Variants in ZRANB1 observed in about 807,000 individuals in gnomAD.
ZRANB1 encodes zinc finger RANBP2-type containing 1, also known as ubiquitin thioesterase ZRANB1.
ZRANB1 carries 16 observed loss-of-function variants against 80.5 expected under a neutral mutation model. The ratio of observed to expected loss-of-function variants is 0.20; its 90% CI spans 0.13 to 0.30. The LOEUF is 0.30. ZRANB1 is among the 10% of genes least tolerant of loss of function. The probability of loss-of-function intolerance (pLI) is 1.00; values close to 1 mark genes in which losing one functional copy is unlikely to be tolerated. For missense variants in ZRANB1, 576 were observed against 862.6 expected, an observed-to-expected ratio of 0.67 and a Z score of 4.16; for synonymous variants, 291 against 293.1, an observed-to-expected ratio of 0.99 and a Z score of 0.07.
At chr10:124,971,680 G>GAAC (rs1174458494) in intron 2 of ZRANB1, among the ~76,000 whole-genome samples, 1 of 152,152 alleles carries the variant, frequency 6.6e-6, no homozygotes, top group Non-Finnish European at 1.5e-5. Flanking sequence ...ATGTGTCTAT[G>GAAC]AACAACACCC....
chr10:124,943,094 G>A lies in ZRANB1; in HGVS notation c.601G>A (p.Ala201Thr), dbSNP rs776702358. 6 of 1,614,206 alleles carry A rather than the reference G, an allele frequency of 3.7e-6. No homozygotes were observed. Among genetic ancestry groups the A allele is most frequent in the South Asian group, 2.2e-5 (2 of 91,082 alleles). The change falls in exon 1 of 9, where the codon GCT becomes ACT. Residue 201 changes from alanine (A) to threonine (T), a missense_variant. By Grantham distance (58) the Ala-to-Thr change is moderately conservative. Coordinates refer to ENST00000359653, the MANE Select transcript of ZRANB1 (RefSeq NM_017580.3). ...TTCAATAATAAATGAGCAAGACAGA[G>A]CTCGATGGAGGGGAAGTTGCAGTAG... ...ASSIINEQDRARWRGSCSSGN... is the reference protein window; with the variant it reads ...ASSIINEQDRTRWRGSCSSGN...
the ZRANB1 span, among the ~76,000 whole-genome samples, chr10:124,919,488 T>C: frequency 6.6e-6 from 1 of 150,820 alleles, no homozygotes; most frequent in African/African-American, 2.4e-5. Flanking sequence ...CGGAGGTTGC[T>C]GCGAGCCGAG....
intron 1 of ZRANB1, chr10:124,945,238 C>A (rs915337408): frequency 6.6e-6 from 1 of 152,106 alleles, no homozygotes; most frequent in South Asian, 2.1e-4. Flanking sequence ...GCAGTTACTG[C>A]CCCCTACCCC....
the ZRANB1 span, among the ~76,000 whole-genome samples, chr10:124,934,443 G>T: frequency 1.3e-5 from 2 of 152,134 alleles, no homozygotes; most frequent in South Asian, 2.1e-4. Flanking sequence ...CAAAAGTTTT[G>T]TACTTGTGTC....
At chr10:124,966,903 CT>C in intron 2 of ZRANB1, 122 bp downstream of exon 2, 1 of 911,898 alleles carries the variant, frequency 1.1e-6, no homozygotes, top group Non-Finnish European at 1.6e-6. Context: ...CTTTTACCCC[CT>C]TTTAAAAATA....
In ZRANB1 at chr10:124,983,180, A is replaced by C. The variant is rs1951956402; in HGVS notation, c.1554A>C (p.Gly518=). The C allele has an allele frequency of 1.2e-6, 2 of 1,612,788 alleles. No individual in the cohort carries two copies. The highest frequency in any genetic ancestry group is 3.3e-5 in the Admixed American group (2 of 59,732). ...TTTTGTTTTGTTTCGTACAGCCTGG[A>C]GCAAGCTTGGAGCAGACGCACATTT... ...AFILSLASQP[G]ASLEQTHIFV... Residue 518 remains glycine, a synonymous_variant, in exon 7 of 9, where the codon GGA becomes GGC. Transcript: ENST00000359653. The surrounding 1 kb of genome is among the most constrained non-coding windows in gnomAD (Gnocchi z 6.2).
chr10:124,947,716 G>A (rs1190385410), intron 1 of ZRANB1, among the ~76,000 whole-genome samples: 1 of 152,004 alleles, frequency 6.6e-6, no homozygotes, highest in Non-Finnish European at 1.5e-5. Flanking sequence ...TCCATTGCTT[G>A]TGCCAAAAGC....
intron 1 of ZRANB1, among the ~76,000 whole-genome samples, chr10:124,949,933 G>T (rs895171806): frequency 6.6e-6 from 1 of 152,100 alleles, no homozygotes; most frequent in African/African-American, 2.4e-5. Context: ...CACATGCAGT[G>T]GTGTTCCCTG....
chr10:124,984,980 T>C lies in ZRANB1; in HGVS notation c.2115T>C (p.Asp705=), dbSNP rs537740354. The change falls in exon 9 of 9, where the codon GAT becomes GAC. Residue 705 remains aspartate (D), a synonymous_variant. Transcript: ENST00000359653. ...CTGATGGAGAGGAAGATGAGGATGA[T>C]GAAGATGAATGAAAAAAAAAATCAA... is the stretch of plus-strand genomic sequence containing the variant. ...SLSDGEEDED[D]EDE The C allele has an allele frequency of 2.5e-6, 4 of 1,607,122 alleles. No individual in the cohort carries two copies. The highest frequency in any genetic ancestry group is 2.5e-6 in the Non-Finnish European group (3 of 1,176,656).
chr10:124,938,613 T>C (rs1951508419), upstream of ZRANB1, among the ~76,000 whole-genome samples: 1 of 152,134 alleles, frequency 6.6e-6, no homozygotes, highest in African/African-American at 2.4e-5. Context: ...CGTGAGCACC[T>C]AGCCACTCTT....
At chr10:124,922,686 G>C in the ZRANB1 span, among the ~76,000 whole-genome samples, 2 of 151,090 alleles carry the variant, frequency 1.3e-5, no homozygotes, top group African/African-American at 4.9e-5. Context: ...AGTAGAGATG[G>C]GGTGTCACCG....
intron 5 of ZRANB1, among the ~76,000 whole-genome samples, chr10:124,974,944 C>A (rs1449232006): frequency 6.6e-6 from 1 of 152,150 alleles, no homozygotes; most frequent in Non-Finnish European, 1.5e-5. Context: ...ACTACAGGTG[C>A]TCATCACCAT....
At position 124,967,140 on chromosome 10, in the gene ZRANB1, C is replaced by T. The variant is rs185866644; in HGVS notation, c.1002+359C>T. Among the ~76,000 whole-genome samples the T allele has an allele frequency of 3.3e-5, 5 of 152,296 alleles. No individual in the cohort carries two copies. The East Asian group carries it at 9.7e-4, about 29-fold the overall frequency. Reference sequence around the variant, plus strand: ...TACTGGCTCTTTCTTCATTAAATCTCCAGCAAAGTAGAGAAATGAACAGGT... The same window carrying T: ...TACTGGCTCTTTCTTCATTAAATCTTCAGCAAAGTAGAGAAATGAACAGGT... On this transcript the variant is annotated intron_variant, in intron 2 of 8. Coordinates refer to ENST00000359653, the MANE Select transcript of ZRANB1 (RefSeq NM_017580.3).
At position 124,984,854 on chromosome 10, in the gene ZRANB1, C is replaced by A. The variant is rs1424057154; in HGVS notation, c.1989C>A (p.Ala663=). ...CCVTEGGVLV[A]MQKSSRRRNH... ...TGACGGAGGGGGGAGTTCTGGTTGC[C>A]ATGCAGAAGAGTTCTCGGCGGCGAA... is the stretch of plus-strand genomic sequence containing the variant. Residue 663 remains alanine, a synonymous_variant, in exon 9 of 9, where the codon GCC becomes GCA. Transcript: ENST00000359653. The A allele has an allele frequency of 1.9e-6, 3 of 1,613,882 alleles. No homozygotes were observed. The highest frequency in any genetic ancestry group is 2.5e-6 in the Non-Finnish European group (3 of 1,179,978).
chr10:124,919,704 C>A, the ZRANB1 span, among the ~76,000 whole-genome samples: 3 of 150,106 alleles, frequency 2.0e-5, no homozygotes, highest in Non-Finnish European at 4.4e-5. Context: ...CTCCGCCTTC[C>A]GTGTTCACGC....
chr10:124,976,193 TG>T (rs1188265413), intron 5 of ZRANB1, among the ~76,000 whole-genome samples: 1 of 152,176 alleles, frequency 6.6e-6, no homozygotes, highest in Non-Finnish European at 1.5e-5. Flanking sequence ...TTAGTGGAGA[TG>T]GCTGTCTGGT....
rs1294919463 is a variant in ZRANB1 at position 124,986,886 on chromosome 10, G to A, written c.*1894G>A. The A allele has an allele frequency of 1.0e-4, 1 of 9,584 alleles. No individual in the cohort carries two copies. Among genetic ancestry groups the A allele is most frequent in the South Asian group, 1.7e-3 (1 of 592 alleles). 0.6% of individuals were successfully genotyped at this position (9,584 alleles called of 1,614,324 possible). A position where few individuals can be genotyped will look rare whatever the true frequency, so the allele number is the denominator to read the frequency against. On this transcript the variant is annotated 3_prime_UTR_variant, in exon 9 of 9. Coordinates refer to ENST00000359653, the MANE Select transcript of ZRANB1 (RefSeq NM_017580.3). ...CATTGCAGTCTGCATTGCAGCCAGC[G>A]TTGTCCAGAGTACACGCTCAGCACT...
chr10:124,947,124 A>G (rs544414679), intron 1 of ZRANB1, among the ~76,000 whole-genome samples: 3 of 152,286 alleles, frequency 2.0e-5, no homozygotes, highest in Admixed American at 2.0e-4. Context: ...GTTGGGTGTT[A>G]AGTTTCACAT....
the ZRANB1 span, among the ~76,000 whole-genome samples, chr10:124,922,999 G>A: frequency 6.6e-6 from 1 of 152,036 alleles, no homozygotes; most frequent in Non-Finnish European, 1.5e-5. Flanking sequence ...TTGCTATAAA[G>A]AACTATCAGC....
Sources: gnomAD v4.1 joint callset for allele counts (sites outside exome capture counted in the v4.1 genomes callset) on GRCh38, gnomAD v4.1.1 for gene constraint, Gnocchi (gnomAD v3.1) non-coding constraint, MANE v1.5 for transcripts, NCBI Gene and HGNC (gene_info 2026-07-23, HGNC 2026-07-21) for gene names.